The following ZNF33B variants were observed in gnomAD, a reference collection of about 807,000 sequenced individuals.
ZNF33B encodes the protein zinc finger protein 11b (KOX 2).
ZNF33B carries 29 observed loss-of-function variants against 45.8 expected under a neutral mutation model. That is an observed-to-expected ratio of 0.63 (90% confidence interval 0.47 to 0.86). The LOEUF is 0.86. Ranked by LOEUF, ZNF33B falls within the 40% of genes least tolerant of loss-of-function variation. The pLI is 0.00. For missense variants in ZNF33B, 831 were observed against 909.9 expected (o/e 0.91, Z 1.12); for synonymous variants, 305 against 307.8 (o/e 0.99, Z 0.10).
intron 4 of ZNF33B, 131 bp from the exon 5 acceptor site, chr10:42,594,830 T>C: frequency 1.9e-6 from 2 of 1,032,976 alleles, no homozygotes; most frequent in Non-Finnish European, 2.6e-6. Flanking sequence ...TGAACATAAT[T>C]GCAAGTGCAT....
At chr10:42,628,922 G>T (rs753985490) in intron 4 of ZNF33B, among the ~76,000 whole-genome samples, 1 of 152,110 alleles carries the variant, frequency 6.6e-6, no homozygotes, top group Admixed American at 6.6e-5. Flanking sequence ...ACTAAAAGTA[G>T]AGCTATCATA....
intron 4 of ZNF33B, among the ~76,000 whole-genome samples, chr10:42,617,406 G>A (rs569787319): frequency 1.1e-4 from 16 of 151,972 alleles, no homozygotes; most frequent in Non-Finnish European, 2.2e-4. Flanking sequence ...ACCCAGCCTG[G>A]AGGCAATTCT....
chr10:42,628,995 A>G (rs759564111), intron 4 of ZNF33B, among the ~76,000 whole-genome samples: 1 of 152,232 alleles, frequency 6.6e-6, no homozygotes, highest in Non-Finnish European at 1.5e-5. Flanking sequence ...CATCAATGAG[A>G]TATCTCTGCT....
At chr10:42,614,852 G>A (rs930471494) in intron 4 of ZNF33B, among the ~76,000 whole-genome samples, 53 of 152,036 alleles carry the variant, frequency 3.5e-4, no homozygotes, top group Non-Finnish European at 3.8e-4. Context: ...TACTCAGGAG[G>A]CTGAGGCAGA....
chr10:42,632,128 T>C, intron 3 of ZNF33B, 104 bp from the exon 4 acceptor site: 1 of 1,483,284 alleles, frequency 6.7e-7, no homozygotes. Context: ...CAGTGGAACA[T>C]TTTCACTGGA....
downstream of ZNF33B, among the ~76,000 whole-genome samples, chr10:42,588,686 G>A (rs1261313234): frequency 2.0e-5 from 3 of 152,304 alleles, no homozygotes; most frequent in East Asian, 5.8e-4. Context: ...GGAAAAGAAG[G>A]GGTTGTAGTG....
rs1452284507 is a variant in ZNF33B at position 42,593,929 on chromosome 10, T to C, written c.1021A>G (p.Lys341Glu). Residue 341 changes from lysine to glutamate, a missense_variant, in exon 5 of 5, where the codon AAG becomes GAG. Transcript: ENST00000359467. ...CNECGKAFWE[K>E]SHLTRHQRVH... is the part of the protein sequence containing the mutation. ...CTCTGATGTCGAGTGAGATGTGACT[T>C]CTCCCAGAAAGCTTTCCCACATTCA... 1 of 1,614,084 alleles carries C rather than the reference T, an allele frequency of 6.2e-7. No individual in the cohort carries two copies. The highest frequency in any genetic ancestry group is 8.5e-7 in the Non-Finnish European group (1 of 1,179,948).
intron 4 of ZNF33B, among the ~76,000 whole-genome samples, chr10:42,610,612 G>A (rs942670493): frequency 2.0e-4 from 30 of 152,082 alleles, no homozygotes; most frequent in Admixed American, 9.8e-4. Flanking sequence ...CTTTAATCAA[G>A]GAAATACAGA....
rs772773036 is a variant in ZNF33B at position 42,593,007 on chromosome 10, T to C, written c.1943A>G (p.His648Arg). The C allele has an allele frequency of 1.5e-5, 24 of 1,614,004 alleles. No homozygotes were observed. Among genetic ancestry groups the C allele is most frequent in the Non-Finnish European group, 1.8e-5 (21 of 1,180,004 alleles). ...ECNECGKAFC[H>R]KSALIVHQRT... Reference sequence around the variant, plus strand: ...CTGATGTACAATTAGAGCTGACTTATGGCAGAAAGCTTTTCCACACTCATT... The same window carrying C: ...CTGATGTACAATTAGAGCTGACTTACGGCAGAAAGCTTTTCCACACTCATT... Residue 648 changes from histidine (H) to arginine (R), a missense_variant, in exon 5 of 5, where the codon CAT becomes CGT. Coordinates refer to ENST00000359467, the MANE Select transcript of ZNF33B (RefSeq NM_006955.3).
In ZNF33B at chr10:42,617,621, A is replaced by T. The variant is rs572102371; in HGVS notation, c.250+14308T>A. Among the ~76,000 whole-genome samples, 4 of 152,286 alleles carry T rather than the reference A, an allele frequency of 2.6e-5. No individual in the cohort carries two copies. The South Asian group carries it at 8.3e-4, about 32-fold the overall frequency. ...GTTCTATAAATTTTGCCACAGGTAT[A>T]GATTTTTGTGAAAATCACAACACTG... is the stretch of plus-strand genomic sequence containing the variant. On this transcript the variant is annotated intron_variant, in intron 4 of 4. Transcript: ENST00000359467.
intron 4 of ZNF33B, among the ~76,000 whole-genome samples, chr10:42,598,996 G>A (rs967967683): frequency 2.0e-5 from 3 of 152,172 alleles, no homozygotes; most frequent in African/African-American, 7.2e-5. Context: ...CACTACTGAA[G>A]CATCTAGGGA....
At chr10:42,588,954 G>A (rs1398699853), downstream of ZNF33B, among the ~76,000 whole-genome samples, 1 of 152,148 alleles carries the variant, frequency 6.6e-6, no homozygotes, top group African/African-American at 2.4e-5. Flanking sequence ...AAGAATACTA[G>A]TCCTTAATTT....
chr10:42,577,553 C>T (rs1220094529), intron 1 of ZNF33B, among the ~76,000 whole-genome samples: 2 of 152,188 alleles, frequency 1.3e-5, no homozygotes, highest in Admixed American at 6.5e-5. Context: ...GAAAAAGCCC[C>T]AAGGCTTCTG....
intron 4 of ZNF33B, among the ~76,000 whole-genome samples, chr10:42,612,168 G>A (rs1838125666): frequency 6.7e-6 from 1 of 149,706 alleles, no homozygotes; most frequent in African/African-American, 2.5e-5. Flanking sequence ...AATGCTTCTT[G>A]TCCATCAATT....
intron 4 of ZNF33B, 79 bp from the exon 5 acceptor site, chr10:42,594,778 T>G: frequency 1.4e-6 from 2 of 1,441,478 alleles, no homozygotes; most frequent in Non-Finnish European, 1.8e-6. Context: ...ACAAATGCCC[T>G]ATGTTGTAGC....
At chr10:42,621,264 C>T (rs1236253392) in intron 4 of ZNF33B, among the ~76,000 whole-genome samples, 7 of 151,230 alleles carry the variant, frequency 4.6e-5, no homozygotes, top group Admixed American at 6.6e-5. Flanking sequence ...CCTGGGAGTT[C>T]GAGGCTACAG....
rs1839453212 is a variant in ZNF33B at position 42,638,522 on chromosome 10, C to G, written c.-93G>C. On this transcript the variant is annotated 5_prime_UTR_variant, in exon 1 of 5. Transcript: ENST00000359467. ...TCGCCATAAGAGAGCCGGTAGACCC[C>G]TGAAATCCCGGGACCGCCTCCCACG... 2.1e-6 allele frequency: 1 copy of G among 484,154 alleles called. No homozygotes were observed. Among genetic ancestry groups the G allele is most frequent in the Non-Finnish European group, 4.1e-6 (1 of 242,614 alleles). The allele number at this position is 484,154 out of a possible 1,614,324, so 30.0% of individuals were successfully genotyped here.
chr10:42,590,269 C>T lies in ZNF33B; in HGVS notation c.*2344G>A, dbSNP rs550864789. The T allele has an allele frequency of 6.6e-6, 1 of 152,260 alleles. No homozygotes were observed. Among genetic ancestry groups the T allele is most frequent in the East Asian group, 1.9e-4 (1 of 5,190 alleles). 9.4% of individuals were successfully genotyped at this position (152,260 alleles called of 1,614,324 possible). On this transcript the variant is annotated 3_prime_UTR_variant, in exon 5 of 5. Coordinates refer to ENST00000359467, the MANE Select transcript of ZNF33B (RefSeq NM_006955.3). ...CAAAATGATTTGGGAAGTGTTATCC[C>T]TGCTTTTATTTTCTGAAAGAGACAG... is the stretch of plus-strand genomic sequence containing the variant.
intron 4 of ZNF33B, among the ~76,000 whole-genome samples, chr10:42,609,804 T>C (rs1286787803): frequency 6.6e-6 from 1 of 152,028 alleles, no homozygotes; most frequent in East Asian, 1.9e-4. Flanking sequence ...AAAGAAACAA[T>C]AACCACATGA....
Sources: gnomAD v4.1 joint callset for allele counts (sites outside exome capture counted in the v4.1 genomes callset) on GRCh38, gnomAD v4.1.1 for gene constraint, MANE v1.5 for transcripts, NCBI Gene and HGNC (gene_info 2026-07-23, HGNC 2026-07-21) for gene names.